CCDC102B: variants seen among roughly 807,000 people sequenced by gnomAD.
The protein encoded by CCDC102B is coiled-coil domain-containing protein 102B.
In CCDC102B, 75 loss-of-function variants were observed where a neutral mutation model predicts 57.4. The ratio of observed to expected loss-of-function variants is 1.31; its 90% CI spans 1.08 to 1.58. CCDC102B has a LOEUF of 1.58. Ranked by LOEUF, CCDC102B falls within the 40% of genes most tolerant of loss-of-function variation. The probability of loss-of-function intolerance (pLI) is 0.00; values close to 1 mark genes in which losing one functional copy is unlikely to be tolerated. For synonymous variants in CCDC102B, 206 were observed against 201.9 expected, an observed-to-expected ratio of 1.02 and a Z score of -0.17; for missense variants, 636 against 582.6, an observed-to-expected ratio of 1.09 and a Z score of -0.94.
rs146430833 is a variant in CCDC102B, at chr18:68,737,149, G to A, written c.-67+20555G>A. 9.2e-5 allele frequency among the ~76,000 whole-genome samples: 14 copies of A among 152,122 alleles called. No homozygotes were observed. The East Asian group carries it at 2.5e-3, about 27-fold the overall frequency. On this transcript the variant is annotated intron_variant, in intron 2 of 3. Coordinates refer to the CCDC102B transcript ENST00000578970. ...TCTGAGGGTGATTTTTCTTGAGAAG[G>A]TGTTCTCTTTGAGTTTTACCAGCAG... is the stretch of plus-strand genomic sequence containing the variant.
At chr18:68,870,442 G>A (rs1470922866) in intron 4 of CCDC102B, among the ~76,000 whole-genome samples, 1 of 152,176 alleles carries the variant, frequency 6.6e-6, no homozygotes, top group East Asian at 1.9e-4. Context: ...AAAGTATCGA[G>A]CAATTAAATG....
chr18:69,029,405 A>G (rs1194251824), intron 7 of CCDC102B, among the ~76,000 whole-genome samples: 1 of 152,208 alleles, frequency 6.6e-6, no homozygotes, highest in African/African-American at 2.4e-5. Flanking sequence ...GGCATTCTAA[A>G]TACATAAAAC....
At chr18:68,869,070 C>G (rs2039126030) in intron 4 of CCDC102B, among the ~76,000 whole-genome samples, 1 of 145,960 alleles carries the variant, frequency 6.9e-6, no homozygotes, top group African/African-American at 2.8e-5. Flanking sequence ...TGGCCATTCA[C>G]CAAGAGAACA....
At chr18:68,813,917 A>G (rs1457655227) in intron 1 of CCDC102B, among the ~76,000 whole-genome samples, 1 of 151,940 alleles carries the variant, frequency 6.6e-6, no homozygotes, top group Non-Finnish European at 1.5e-5. Context: ...ATGAATGTAA[A>G]TAAAAATTTT....
rs1599540550 is a variant in CCDC102B, at chr18:68,836,612, G to A, written c.-15-137G>A. 30 of 677,524 alleles carry A rather than the reference G, an allele frequency of 4.4e-5. No homozygotes were observed. The South Asian group carries it at 5.9e-4, about 13-fold the overall frequency. The allele number at this position is 677,524 out of a possible 1,614,324, so 42.0% of individuals were successfully genotyped here. ...TACTGCACTCCAGCCTGGTGACAGA[G>A]CAAGACTCTGTCAAAAATAAAAAAA... is the stretch of plus-strand genomic sequence containing the variant. On this transcript the variant is annotated intron_variant, in intron 1 of 7. Coordinates refer to ENST00000360242, the MANE Select transcript of CCDC102B (RefSeq NM_024781.3).
chr18:69,025,560 T>C (rs2051963403), intron 7 of CCDC102B, among the ~76,000 whole-genome samples: 1 of 152,194 alleles, frequency 6.6e-6, no homozygotes. Context: ...GTCTACACAT[T>C]TTATTGCTCT....
intron 6 of CCDC102B, among the ~76,000 whole-genome samples, chr18:68,920,806 A>G (rs1290401899): frequency 6.6e-6 from 1 of 152,134 alleles, no homozygotes; most frequent in Non-Finnish European, 1.5e-5. Context: ...AGGACCACAT[A>G]GGGGAAACTG....
At chr18:68,838,546 T>G (rs2037485915) in intron 2 of CCDC102B, 160 bp from the exon 3 acceptor site, 1 of 985,274 alleles carries the variant, frequency 1.0e-6, no homozygotes, top group East Asian at 1.1e-4. Context: ...CAAAGAAGAA[T>G]GCAAGTAAGT....
At chr18:69,029,184 T>C (rs2052072925) in intron 7 of CCDC102B, among the ~76,000 whole-genome samples, 1 of 152,180 alleles carries the variant, frequency 6.6e-6, no homozygotes, top group Non-Finnish European at 1.5e-5. Context: ...TTTTTTTAGT[T>C]TATTTACCAT....
chr18:68,953,260 C>A (rs749358556), intron 6 of CCDC102B, among the ~76,000 whole-genome samples: 1 of 151,844 alleles, frequency 6.6e-6, no homozygotes, highest in African/African-American at 2.4e-5. Context: ...CGTTTAGGAA[C>A]CTATGTACAG....
At chr18:68,769,949 T>C (rs12457185) in intron 2 of CCDC102B, among the ~76,000 whole-genome samples, 10,193 of 152,102 alleles carry the variant, frequency 0.067, 649 homozygotes, top group African/African-American at 0.16. Context: ...GAGGAACAGA[T>C]TAGAGAGGAA....
chr18:69,052,249 T>C (rs773844491), intron 7 of CCDC102B, among the ~76,000 whole-genome samples: 6 of 152,022 alleles, frequency 3.9e-5, no homozygotes, highest in Non-Finnish European at 8.8e-5. Context: ...AGAGACATTA[T>C]ACATAATTAT....
At position 68,729,530 on chromosome 18, in the gene CCDC102B, A is replaced by G. The variant is rs545717420; in HGVS notation, c.-67+12936A>G. On this transcript the variant is annotated intron_variant, in intron 2 of 3. Coordinates refer to the CCDC102B transcript ENST00000578970. ...TCAGGCATTAATGGAAACTTGACGC[A>G]TGACTTGATATATCACGTTGGAGAA... Among the ~76,000 whole-genome samples, 4 of 152,354 alleles carry G rather than the reference A, an allele frequency of 2.6e-5. No homozygotes were observed. In the East Asian group the frequency reaches 7.7e-4, roughly 29 times the overall value.
intron 1 of CCDC102B, among the ~76,000 whole-genome samples, chr18:68,816,127 C>A (rs1357091081): frequency 2.0e-5 from 3 of 152,282 alleles, no homozygotes; most frequent in East Asian, 3.9e-4. Context: ...TGTGATAATA[C>A]CCTCTACCTT....
At chr18:68,916,729 A>T (rs920419464) in intron 6 of CCDC102B, among the ~76,000 whole-genome samples, 2 of 152,236 alleles carry the variant, frequency 1.3e-5, no homozygotes, top group Non-Finnish European at 1.5e-5. Context: ...ATCAACAAAA[A>T]GTCTCTTGAG....
intron 2 of CCDC102B, among the ~76,000 whole-genome samples, chr18:68,727,187 T>C (rs532423997): frequency 2.0e-5 from 3 of 152,288 alleles, no homozygotes; most frequent in East Asian, 3.9e-4. Flanking sequence ...TTGGACCATA[T>C]TGTGCTAATG....
At chr18:68,743,439 T>G (rs2033488226) in intron 2 of CCDC102B, among the ~76,000 whole-genome samples, 1 of 151,868 alleles carries the variant, frequency 6.6e-6, no homozygotes, top group African/African-American at 2.4e-5. Context: ...AACCAAACCA[T>G]AAAAAACTCC....
intron 6 of CCDC102B, among the ~76,000 whole-genome samples, chr18:68,968,343 T>C (rs2050213408): frequency 6.6e-6 from 1 of 152,174 alleles, no homozygotes; most frequent in Non-Finnish European, 1.5e-5. Context: ...GAAATCCCCT[T>C]ATAGTTCAAC....
intron 7 of CCDC102B, among the ~76,000 whole-genome samples, chr18:69,049,453 A>G (rs1034865364): frequency 2.6e-5 from 4 of 152,116 alleles, no homozygotes; most frequent in African/African-American, 9.7e-5. Flanking sequence ...TTAGCAATCT[A>G]CTTCAAGGGA....
Sources: allele counts gnomAD v4.1 joint callset (sites outside exome capture counted in the v4.1 genomes callset), GRCh38; gene constraint gnomAD v4.1.1; transcripts MANE v1.5; gene names NCBI Gene and HGNC (gene_info 2026-07-23, HGNC 2026-07-21).